Variants in CPNE5 observed in about 807,000 individuals in gnomAD.
CPNE5 encodes copine 5.
In CPNE5, 42 loss-of-function variants were observed where a neutral mutation model predicts 81.1. The ratio of observed to expected loss-of-function variants is 0.52; its 90% CI spans 0.40 to 0.67. CPNE5 has a LOEUF of 0.67. Among genes scored for constraint, CPNE5 ranks in the 30% least tolerant of loss-of-function variants. CPNE5 has a pLI of 0.00. For synonymous variants in CPNE5, 313 were observed against 321.5 expected (o/e 0.97, Z 0.28); for missense variants, 612 against 815.5 (o/e 0.75, Z 3.04).
chr6:36,796,762 A>G (rs1769615030), intron 6 of CPNE5, among the ~76,000 whole-genome samples: 1 of 152,150 alleles, frequency 6.6e-6, no homozygotes, highest in Non-Finnish European at 1.5e-5. Flanking sequence ...AATAAATGAT[A>G]GCTATTTTCA....
intron 9 of CPNE5, among the ~76,000 whole-genome samples, chr6:36,775,547 C>T (rs1489161566): frequency 2.0e-5 from 3 of 152,158 alleles, no homozygotes; most frequent in Non-Finnish European, 4.4e-5. Flanking sequence ...CCTGCTGTTC[C>T]CCTGGCCTGG....
At chr6:36,779,339 G>A (rs751710419) in intron 8 of CPNE5, among the ~76,000 whole-genome samples, 4 of 152,208 alleles carry the variant, frequency 2.6e-5, no homozygotes, top group South Asian at 2.1e-4. Context: ...AGTGAGGCAC[G>A]TGGCAACCCC....
At chr6:36,792,413 A>T (rs1001763239) in intron 7 of CPNE5, 1 of 1,417,842 alleles carries the variant, frequency 7.1e-7, no homozygotes, top group South Asian at 1.2e-5. Context: ...CTTCCAGACC[A>T]GTGGTTCTCA....
In CPNE5 at chr6:36,766,528, A is replaced by G. The variant is rs1416503707; in HGVS notation, c.738-1152T>C. ...TAAAGGAATCCTTTAGATTCTTGTG[A>G]AAAACAAAAAACCATGTCTCTCTGA... On this transcript the variant is annotated intron_variant, in intron 10 of 20. Transcript: ENST00000244751. The surrounding 1 kb of genome is among the most constrained non-coding windows in gnomAD (Gnocchi z 4.2). Among the ~76,000 whole-genome samples the G allele has an allele frequency of 6.6e-6, 1 of 152,190 alleles. No individual in the cohort carries two copies. The highest frequency in any genetic ancestry group is 2.4e-5 in the African/African-American group (1 of 41,440).
chr6:36,795,680 C>A (rs991596069), intron 6 of CPNE5, among the ~76,000 whole-genome samples: 1 of 152,206 alleles, frequency 6.6e-6, no homozygotes, highest in South Asian at 2.1e-4. Context: ...TGATCTCCGA[C>A]GTCTAGCCGC....
rs749484277 is a variant in CPNE5 at position 36,822,118 on chromosome 6, C to T, written c.179G>A (p.Arg60Gln). The T allele has an allele frequency of 1.2e-5, 18 of 1,537,762 alleles. No homozygotes were observed. The highest frequency in any genetic ancestry group is 3.7e-5 in the South Asian group (3 of 81,418). Residue 60 changes from arginine (R) to glutamine (Q), a missense_variant, in exon 3 of 21, where the codon CGG becomes CAG. By Grantham distance (43) the Arg-to-Gln change is conservative (BLOSUM62 1). Transcript: ENST00000244751. ...YTQGMENKQW[R>Q]EFGRTEVIDN... is the part of the protein sequence containing the mutation. ...GTGGGAAGGAGCTGCACCTACCTCC[C>T]GCCACTGCTTGTTCTCCATCCCTTG...
chr6:36,799,789 C>A lies in CPNE5; in HGVS notation c.287+178G>T, dbSNP rs537470377. On this transcript the variant is annotated intron_variant, in intron 4 of 20. Transcript: ENST00000244751. ...GCCATTGTTCTCTCTCTTCTTCCCC[C>A]TTTCCATCTCTCCTGGTAAGGGTGC... Among the ~76,000 whole-genome samples the A allele has an allele frequency of 1.6e-4, 24 of 152,326 alleles. No individual in the cohort carries two copies. In the East Asian group the frequency reaches 3.7e-3, roughly 23 times the overall value.
chr6:36,742,588 G>A, intron 20 of CPNE5, 102 bp from the exon 21 acceptor site: 1 of 1,472,244 alleles, frequency 6.8e-7, no homozygotes, highest in East Asian at 2.4e-5. Flanking sequence ...CCCAGCCTCT[G>A]CTCACTTGAC....
At chr6:36,835,005 A>G (rs1214750409) in intron 1 of CPNE5, among the ~76,000 whole-genome samples, 1 of 152,122 alleles carries the variant, frequency 6.6e-6, no homozygotes, top group Admixed American at 6.5e-5. Context: ...ACCCGAACAG[A>G]CAGCAGAAAA....
At chr6:36,747,725 T>C (rs1052256849) in intron 15 of CPNE5, among the ~76,000 whole-genome samples, 16 of 152,350 alleles carry the variant, frequency 1.1e-4, no homozygotes, top group Admixed American at 2.0e-4. Flanking sequence ...TTATTGCTCC[T>C]AGTGACTCAG....
intron 13 of CPNE5, chr6:36,754,437 G>A (rs1431333296): frequency 6.6e-6 from 1 of 152,188 alleles, no homozygotes; most frequent in Admixed American, 6.5e-5. Flanking sequence ...ATGCAGAAAT[G>A]CAGATTCTTG....
At position 36,746,519 on chromosome 6, in the gene CPNE5, G is replaced by A. The variant is rs200169427; in HGVS notation, c.1077C>T (p.Tyr359=). The change falls in exon 16 of 21, where the codon TAC becomes TAT. Residue 359 remains tyrosine, a synonymous_variant. Coordinates refer to ENST00000244751, the MANE Select transcript of CPNE5 (RefSeq NM_020939.2). This position sits in a 1 kb window ranked among gnomAD's most constrained non-coding sequence, Gnocchi z 4.5. ...HYMSPYQLNA[Y]ALALTAVGEI... ...CTCCGACGGCAGTCAGCGCCAGCGCGTAGGCGTTCAGCTGGTAGGGGCTCA... is the reference window on the plus strand; with the variant it reads ...CTCCGACGGCAGTCAGCGCCAGCGCATAGGCGTTCAGCTGGTAGGGGCTCA... 125 of 1,613,742 alleles carry A rather than the reference G, an allele frequency of 7.7e-5. No homozygotes were observed. The African/African-American group carries it at 8.1e-4, about 10-fold the overall frequency.
chr6:36,822,047 G>A (rs944883803), intron 3 of CPNE5, 67 bp downstream of exon 3: 12 of 1,418,626 alleles, frequency 8.5e-6, no homozygotes, highest in Admixed American at 4.6e-5. Context: ...AATTGCTCCC[G>A]AATTAGAGAC....
chr6:36,838,155 T>C (rs538269527), intron 1 of CPNE5, among the ~76,000 whole-genome samples: 1 of 152,292 alleles, frequency 6.6e-6, no homozygotes, highest in East Asian at 1.9e-4. Flanking sequence ...TCTCCAGCTC[T>C]ACCTACACCT....
intron 1 of CPNE5, among the ~76,000 whole-genome samples, chr6:36,836,913 C>T (rs185985654): frequency 1.8e-4 from 27 of 152,204 alleles, no homozygotes; most frequent in Non-Finnish European, 3.4e-4. Context: ...CACTTCCCCC[C>T]ACCTCTGGCT....
intron 12 of CPNE5, among the ~76,000 whole-genome samples, chr6:36,758,415 A>ATTT (rs72371807): frequency 0.078 from 10,893 of 140,154 alleles, 494 homozygotes; most frequent in East Asian, 0.17. Flanking sequence ...ATGTCTGGCT[A>ATTT]TTTTTTTTTT....
At chr6:36,743,197 C>G (rs964020016) in intron 20 of CPNE5, 4 of 985,382 alleles carry the variant, frequency 4.1e-6, no homozygotes, top group Non-Finnish European at 4.8e-6. Context: ...GAAGTGCTTG[C>G]GGAGGGTGCA....
In CPNE5 at chr6:36,839,036, A is replaced by C. The variant is rs968917770; in HGVS notation, c.95+247T>G. Reference sequence around the variant, plus strand: ...GGACCCCCTGTTCCTGTGTCTTCATATCTCCTCGATGCAACAGCCTGGAGC... The same window carrying C: ...GGACCCCCTGTTCCTGTGTCTTCATCTCTCCTCGATGCAACAGCCTGGAGC... On this transcript the variant is annotated intron_variant, in intron 1 of 20. Coordinates refer to ENST00000244751, the MANE Select transcript of CPNE5 (RefSeq NM_020939.2). This position sits in a 1 kb window ranked among gnomAD's most constrained non-coding sequence, Gnocchi z 7.3. 2.0e-5 allele frequency among the ~76,000 whole-genome samples: 3 copies of C among 152,244 alleles called. No homozygotes were observed. In the South Asian group the frequency reaches 6.2e-4, roughly 32 times the overall value.
At chr6:36,819,886 A>G (rs236382) in intron 3 of CPNE5, among the ~76,000 whole-genome samples, 30,354 of 152,114 alleles carry the variant, frequency 0.2, 3,323 homozygotes, top group Admixed American at 0.28. Context: ...AGCTTCAGGC[A>G]AATCCCCTCT....
Sources: allele counts gnomAD v4.1 joint callset (sites outside exome capture counted in the v4.1 genomes callset), GRCh38; gene constraint gnomAD v4.1.1; non-coding constraint Gnocchi (gnomAD v3.1); transcripts MANE v1.5; gene names NCBI Gene and HGNC (gene_info 2026-07-23, HGNC 2026-07-21).